ABL1: variants seen among roughly 807,000 people sequenced by gnomAD.
ABL1 encodes tyrosine-protein kinase ABL1.
Under a neutral mutation model 94.7 loss-of-function variants are expected in ABL1, and 11 were observed. The observed-to-expected ratio is 0.12, with a 90% CI of 0.07 to 0.19. ABL1 has a LOEUF of 0.19. Ranked by LOEUF, ABL1 falls within the 10% of genes least tolerant of loss-of-function variation. The pLI is 1.00. For synonymous variants in ABL1, 656 were observed against 622.4 expected (o/e 1.05, Z -0.80); for missense variants, 1,082 against 1,489.4 (o/e 0.73, Z 4.50).
chr9:130,846,694 G>A (rs1830777911), intron 1 of ABL1, among the ~76,000 whole-genome samples: 1 of 152,244 alleles, frequency 6.6e-6, no homozygotes, highest in Non-Finnish European at 1.5e-5. Context: ...TGGAGGTCAA[G>A]TCCCCCCTTG....
rs530073495 is a variant in ABL1 at position 130,816,475 on chromosome 9, C to T, written c.137-37589C>T. 7.5e-4 allele frequency among the ~76,000 whole-genome samples: 114 copies of T among 151,378 alleles called. 1 individual carries two copies. The highest frequency in any genetic ancestry group is 1.0e-3 in the Non-Finnish European group (71 of 67,832). ...AGGTGTGAGCTACCACACCCGGCCC[C>T]GATCACCTTATTTAAAATTGCAGCT... On this transcript the variant is annotated intron_variant, in intron 1 of 10. Transcript: ENST00000372348.
At chr9:130,877,680 G>A (rs547083461) in intron 7 of ABL1, among the ~76,000 whole-genome samples, 4 of 144,722 alleles carry the variant, frequency 2.8e-5, no homozygotes, top group Non-Finnish European at 4.5e-5. Flanking sequence ...TTGCTCTGTC[G>A]CCCAGGCTGG....
intron 1 of ABL1, among the ~76,000 whole-genome samples, chr9:130,738,936 G>A (rs887123583): frequency 1.3e-5 from 2 of 152,288 alleles, no homozygotes. Context: ...AGGCTGGAGT[G>A]CAGTGGTGCG....
chr9:130,734,218 C>CTT (rs34635212), intron 1 of ABL1, among the ~76,000 whole-genome samples: 2,383 of 143,888 alleles, frequency 0.017, 74 homozygotes, highest in African/African-American at 0.057. Context: ...ATTGAATATT[C>CTT]TTTTTTTTTT....
In ABL1 at chr9:130,887,594, G is replaced by A. The variant is rs1302484253; in HGVS notation, c.*1911G>A. The A allele has an allele frequency of 4.3e-6, 1 of 232,236 alleles. No homozygotes were observed. Among genetic ancestry groups the A allele is most frequent in the Non-Finnish European group, 8.5e-6 (1 of 117,304 alleles). 14.4% of individuals were successfully genotyped at this position (232,236 alleles called of 1,614,324 possible). A position where few individuals can be genotyped will look rare whatever the true frequency, so the allele number is the denominator to read the frequency against. On this transcript the variant is annotated 3_prime_UTR_variant, in exon 11 of 11. Transcript: ENST00000318560. ...TCGGGGTCCAGTGCATTTTGTTTCT[G>A]TATATGATTCTCTGTGGTTTTTTTT... is the stretch of plus-strand genomic sequence containing the variant.
intron 1 of ABL1, among the ~76,000 whole-genome samples, chr9:130,791,513 A>G (rs950705513): frequency 3.3e-5 from 5 of 151,984 alleles, no homozygotes; most frequent in African/African-American, 9.7e-5. Context: ...CCCACCCTCA[A>G]CGTGGGTGGG....
chr9:130,788,372 A>G (rs1311104171), intron 1 of ABL1, among the ~76,000 whole-genome samples: 1 of 152,176 alleles, frequency 6.6e-6, no homozygotes, highest in Non-Finnish European at 1.5e-5. Context: ...GTTTTTCGGA[A>G]TCATTTGGGA....
chr9:130,716,197 C>T (rs1370161411), intron 1 of ABL1, among the ~76,000 whole-genome samples: 8 of 147,540 alleles, frequency 5.4e-5, no homozygotes, highest in Non-Finnish European at 1.0e-4. Flanking sequence ...TGGGTTCAAG[C>T]GATTCTCCTG....
At chr9:130,761,449 G>A (rs1832113907) in intron 1 of ABL1, among the ~76,000 whole-genome samples, 1 of 152,138 alleles carries the variant, frequency 6.6e-6, no homozygotes, top group Admixed American at 6.6e-5. Flanking sequence ...CCTTGTGAAG[G>A]AAAGGTCCCT....
intron 1 of ABL1, among the ~76,000 whole-genome samples, chr9:130,772,699 G>T (rs942688005): frequency 6.6e-6 from 1 of 152,204 alleles, no homozygotes; most frequent in African/African-American, 2.4e-5. Context: ...AATCTGGCCA[G>T]AGTGAATGTC....
intron 1 of ABL1, among the ~76,000 whole-genome samples, chr9:130,837,904 G>T (rs749052885): frequency 1.3e-5 from 2 of 152,194 alleles, no homozygotes; most frequent in Non-Finnish European, 2.9e-5. Flanking sequence ...CTGTCAGGGA[G>T]AGAATTGAAT....
chr9:130,792,463 T>C (rs1246352365), intron 1 of ABL1, among the ~76,000 whole-genome samples: 1 of 152,110 alleles, frequency 6.6e-6, no homozygotes, highest in African/African-American at 2.4e-5. Context: ...GCTACTTCCC[T>C]ACCCCTAGTG....
intron 1 of ABL1, among the ~76,000 whole-genome samples, chr9:130,722,392 CA>C (rs10716593): frequency 0.53 from 79,628 of 151,000 alleles, 22,537 homozygotes; most frequent in African/African-American, 0.74. Context: ...GACTCCATCT[CA>C]AAAAAAAATA....
chr9:130,713,692 T>C (rs1162969081), exon 1 of ABL1, among the ~76,000 whole-genome samples: 1 of 152,232 alleles, frequency 6.6e-6, no homozygotes, highest in Non-Finnish European at 1.5e-5. Context: ...AAGTCTGGAT[T>C]GGTTCCACAG....
At chr9:130,788,886 T>C (rs1421245311) in intron 1 of ABL1, among the ~76,000 whole-genome samples, 1 of 152,248 alleles carries the variant, frequency 6.6e-6, no homozygotes, top group Non-Finnish European at 1.5e-5. Flanking sequence ...TTTCTGCCTG[T>C]CGTTAATGAT....
rs1250436247 is a variant in ABL1, at chr9:130,872,209, C to G, written c.903C>G (p.Leu301=). The G allele has an allele frequency of 6.2e-7, 1 of 1,613,736 alleles. No homozygotes were observed. The highest frequency in any genetic ancestry group is 1.7e-5 in the Admixed American group (1 of 60,002). The change falls in exon 5 of 11, where the codon CTC becomes CTG. Residue 301 remains leucine, a synonymous_variant. Coordinates refer to ENST00000318560, the MANE Select transcript of ABL1 (RefSeq NM_005157.6). This position sits in a 1 kb window ranked among gnomAD's most constrained non-coding sequence, Gnocchi z 5.0. ...TCAAACACCCTAACCTGGTGCAGCT[C>G]CTTGGTGAGTAAGCCCGGGGCTCTG... is the stretch of plus-strand genomic sequence containing the variant. ...KEIKHPNLVQ[L]LGVCTREPPF...
intron 1 of ABL1, among the ~76,000 whole-genome samples, chr9:130,844,472 A>G (rs1355252266): frequency 6.7e-6 from 1 of 149,920 alleles, no homozygotes; most frequent in Non-Finnish European, 1.5e-5. Flanking sequence ...TTCACCGTAG[A>G]TTCTTGGAAG....
chr9:130,800,063 G>A (rs1461346773), intron 1 of ABL1, among the ~76,000 whole-genome samples: 5 of 151,932 alleles, frequency 3.3e-5, no homozygotes, highest in Admixed American at 3.3e-4. Flanking sequence ...TAGGAGAGAC[G>A]GGGTTTCACC....
intron 1 of ABL1, among the ~76,000 whole-genome samples, chr9:130,773,642 T>TTTTTTTC: frequency 6.7e-6 from 1 of 150,234 alleles, no homozygotes; most frequent in Non-Finnish European, 1.5e-5. Context: ...TTTTTTTTTT[T>TTTTTTTC]TTTTTTCATT....
Sources: gnomAD v4.1 joint callset for allele counts (sites outside exome capture counted in the v4.1 genomes callset) on GRCh38, gnomAD v4.1.1 for gene constraint, Gnocchi (gnomAD v3.1) non-coding constraint, MANE v1.5 for transcripts, NCBI Gene and HGNC (gene_info 2026-07-23, HGNC 2026-07-21) for gene names.